TBC1D5: variants seen among roughly 807,000 people sequenced by gnomAD.
TBC1D5 encodes TBC1 domain family member 5.
TBC1D5 carries 75 observed loss-of-function variants against 100.3 expected under a neutral mutation model. That is an observed-to-expected ratio of 0.75 (90% CI 0.62 to 0.91). The LOEUF (loss-of-function observed/expected upper bound fraction) is 0.91. Among genes scored for constraint, TBC1D5 ranks in the 40% least tolerant of loss-of-function variants. The pLI is 0.00. For missense variants in TBC1D5, 910 were observed against 942.4 expected (o/e 0.97, Z 0.45); for synonymous variants, 323 against 325.6 (o/e 0.99, Z 0.09).
At chr3:17,336,852 G>C (rs944489764) in intron 13 of TBC1D5, among the ~76,000 whole-genome samples, 2 of 152,022 alleles carry the variant, frequency 1.3e-5, no homozygotes, top group Non-Finnish European at 2.9e-5. Context: ...AAGAAATTTG[G>C]TATGTTTGAG....
At chr3:17,679,029 G>C (rs1010989904) in intron 1 of TBC1D5, among the ~76,000 whole-genome samples, 1 of 149,402 alleles carries the variant, frequency 6.7e-6, no homozygotes, top group South Asian at 2.1e-4. Flanking sequence ...GTAAAATAGA[G>C]TTATTTCAAC....
chr3:17,694,201 G>A (rs1192167952), intron 1 of TBC1D5, among the ~76,000 whole-genome samples: 2 of 152,178 alleles, frequency 1.3e-5, no homozygotes, highest in African/African-American at 2.4e-5. Context: ...CCAAAACATT[G>A]CAGCTCCTTG....
intron 19 of TBC1D5, among the ~76,000 whole-genome samples, chr3:17,174,835 G>A (rs945359586): frequency 5.9e-5 from 9 of 151,994 alleles, no homozygotes; most frequent in Admixed American, 3.3e-4. Context: ...CTTGTGATCC[G>A]CCCGCCTCGG....
chr3:17,655,772 T>C (rs1316237269), intron 1 of TBC1D5, among the ~76,000 whole-genome samples: 2 of 152,072 alleles, frequency 1.3e-5, no homozygotes, highest in East Asian at 3.9e-4. Flanking sequence ...TCCCAAGCAT[T>C]TTGGATAAGA....
chr3:17,484,559 T>G (rs528537169), intron 3 of TBC1D5, among the ~76,000 whole-genome samples: 10 of 149,996 alleles, frequency 6.7e-5, no homozygotes, highest in Middle Eastern at 3.5e-3. Flanking sequence ...AACACCAGGG[T>G]GTGTGTGTGT....
intron 1 of TBC1D5, among the ~76,000 whole-genome samples, chr3:17,736,258 CTAAAAAA>C (rs2076956069): frequency 2.0e-5 from 3 of 151,872 alleles, no homozygotes; most frequent in Non-Finnish European, 4.4e-5. Context: ...GACCTTGTCT[CTAAAAAA>C]TAAAATTTAA....
intron 13 of TBC1D5, among the ~76,000 whole-genome samples, chr3:17,368,678 ATTT>A (rs993380994): frequency 5.9e-5 from 9 of 151,402 alleles, no homozygotes; most frequent in African/African-American, 2.2e-4. Flanking sequence ...TTTTACTTTT[ATTT>A]TTTATTTTCT....
chr3:17,363,582 A>AT (rs2091891585), intron 13 of TBC1D5, among the ~76,000 whole-genome samples: 3 of 130,102 alleles, frequency 2.3e-5, no homozygotes, highest in African/African-American at 8.6e-5. Context: ...TTTTATTTTT[A>AT]TTTTTTGGGT....
chr3:17,553,344 G>C (rs890606912), intron 2 of TBC1D5, among the ~76,000 whole-genome samples: 1 of 152,030 alleles, frequency 6.6e-6, no homozygotes, highest in Admixed American at 6.6e-5. Context: ...CAAAAGTCTG[G>C]CAACACACAT....
intron 3 of TBC1D5, among the ~76,000 whole-genome samples, chr3:17,505,531 C>T (rs2095836173): frequency 6.6e-6 from 1 of 152,110 alleles, no homozygotes; most frequent in Non-Finnish European, 1.5e-5. Context: ...AACAAAGGAT[C>T]CCCTACAGAA....
chr3:17,411,138 C>T (rs766310826), intron 4 of TBC1D5, among the ~76,000 whole-genome samples: 2 of 151,988 alleles, frequency 1.3e-5, no homozygotes, highest in Non-Finnish European at 2.9e-5. Context: ...GAAGCCACAA[C>T]AACAAGGCAA....
intron 14 of TBC1D5, among the ~76,000 whole-genome samples, chr3:17,301,069 AG>A (rs2082775318): frequency 6.6e-6 from 1 of 150,412 alleles, no homozygotes; most frequent in African/African-American, 2.4e-5. Flanking sequence ...ACTCCGTCTC[AG>A]AAAAAAAAAA....
intron 3 of TBC1D5, among the ~76,000 whole-genome samples, chr3:17,504,450 AAC>A (rs1373534023): frequency 3.3e-5 from 5 of 152,130 alleles, no homozygotes; most frequent in African/African-American, 1.2e-4. Context: ...ATAAATTAAA[AAC>A]AAAATAAAAA....
intron 2 of TBC1D5, among the ~76,000 whole-genome samples, chr3:17,593,115 C>T (rs2060338970): frequency 6.6e-6 from 1 of 152,170 alleles, no homozygotes. Flanking sequence ...TCCGATCCTG[C>T]CACCCTGCCT....
intron 8 of TBC1D5, among the ~76,000 whole-genome samples, chr3:17,386,133 A>G (rs1003616063): frequency 6.6e-6 from 1 of 152,092 alleles, no homozygotes; most frequent in Non-Finnish European, 1.5e-5. Flanking sequence ...GAATAGAATA[A>G]TACTTTTGAG....
At chr3:17,166,541 G>C (rs564491376) in intron 21 of TBC1D5, among the ~76,000 whole-genome samples, 2 of 152,188 alleles carry the variant, frequency 1.3e-5, no homozygotes, top group Non-Finnish European at 2.9e-5. Flanking sequence ...TGTAGGGCAC[G>C]CACCGCACGG....
At chr3:17,181,216 C>T (rs888074949) in intron 19 of TBC1D5, among the ~76,000 whole-genome samples, 12 of 152,204 alleles carry the variant, frequency 7.9e-5, no homozygotes, top group African/African-American at 1.7e-4. Flanking sequence ...ATTCCAGCAT[C>T]GTTTTGCATC....
At chr3:17,546,281 G>T (rs1437862388) in intron 2 of TBC1D5, among the ~76,000 whole-genome samples, 1 of 152,056 alleles carries the variant, frequency 6.6e-6, no homozygotes, top group Admixed American at 6.6e-5. Context: ...AAAATTATAT[G>T]TAAACTACTT....
At chr3:17,407,694 G>A (rs2093810182) in intron 4 of TBC1D5, among the ~76,000 whole-genome samples, 1 of 152,086 alleles carries the variant, frequency 6.6e-6, no homozygotes, top group African/African-American at 2.4e-5. Flanking sequence ...CCAGAAGAGT[G>A]ACCAAAGACA....
Sources: allele counts gnomAD v4.1 joint callset (sites outside exome capture counted in the v4.1 genomes callset), GRCh38; gene constraint gnomAD v4.1.1; transcripts MANE v1.5; gene names NCBI Gene and HGNC (gene_info 2026-07-23, HGNC 2026-07-21).